Variants in CLINT1 observed in about 807,000 individuals in gnomAD.
CLINT1 encodes the protein clathrin interactor 1, also known as clathrin interacting protein localized in the trans-Golgi region.
Under a neutral mutation model 70.4 loss-of-function variants are expected in CLINT1, and 15 were observed. The ratio of observed to expected loss-of-function variants is 0.21; its 90% CI spans 0.14 to 0.33. The LOEUF (loss-of-function observed/expected upper bound fraction) is 0.33. Among genes scored for constraint, CLINT1 ranks in the 10% least tolerant of loss-of-function variants. CLINT1 has a pLI of 1.00. For missense variants in CLINT1, 615 were observed against 778.1 expected (o/e 0.79, Z 2.49); for synonymous variants, 227 against 254.7 (o/e 0.89, Z 1.04).
At chr5:157,819,730 T>C (rs1762825269) in intron 1 of CLINT1, among the ~76,000 whole-genome samples, 1 of 152,240 alleles carries the variant, frequency 6.6e-6, no homozygotes. Flanking sequence ...AAGCATTTCA[T>C]TACCAAGAAT....
chr5:157,840,192 C>CAAAAAAAAAAA (rs57245921), intron 1 of CLINT1, among the ~76,000 whole-genome samples: 4 of 55,326 alleles, frequency 7.2e-5, no homozygotes, highest in African/African-American at 9.1e-5. Context: ...GAGACTGCCT[C>CAAAAAAAAAAA]AAAAAAAAAA....
At chr5:157,830,776 C>CTT (rs1311604700) in intron 1 of CLINT1, among the ~76,000 whole-genome samples, 3 of 129,536 alleles carry the variant, frequency 2.3e-5, no homozygotes, top group African/African-American at 8.7e-5. Flanking sequence ...CTCTCTCTCT[C>CTT]TCTCTCTCTC....
chr5:157,804,090 A>C (rs1000705071), intron 7 of CLINT1, among the ~76,000 whole-genome samples: 12 of 151,916 alleles, frequency 7.9e-5, no homozygotes, highest in African/African-American at 2.7e-4. Flanking sequence ...CCCATACAAT[A>C]CACTGAGTCA....
chr5:157,842,465 T>A (rs746276015), intron 1 of CLINT1, among the ~76,000 whole-genome samples: 2 of 152,108 alleles, frequency 1.3e-5, no homozygotes, highest in African/African-American at 4.8e-5. Flanking sequence ...TTTAAAAAGG[T>A]CTTATAATTG....
chr5:157,841,132 G>A lies in CLINT1; in HGVS notation c.41+17798C>T, dbSNP rs183306061. On this transcript the variant is annotated intron_variant, in intron 1 of 11. Transcript: ENST00000411809. ...ACAAAAACTAATTAGCCAGCATGGT[G>A]GCATATGCCTGTAGTTCCAGCTACA... 1.6e-3 allele frequency among the ~76,000 whole-genome samples: 242 copies of A among 152,134 alleles called. 2 individuals carry two copies. The highest frequency in any genetic ancestry group is 5.4e-3 in the African/African-American group (226 of 41,482).
At chr5:157,803,746 C>T (rs775599754) in intron 7 of CLINT1, 27 bp from the exon 8 acceptor site, 4 of 1,497,428 alleles carry the variant, frequency 2.7e-6, no homozygotes, top group African/African-American at 2.8e-5. Flanking sequence ...AACTCAGGAG[C>T]TTCGAAAAGT....
chr5:157,830,430 T>A (rs1255142746), intron 1 of CLINT1, among the ~76,000 whole-genome samples: 1 of 152,182 alleles, frequency 6.6e-6, no homozygotes, highest in Non-Finnish European at 1.5e-5. Context: ...TTAAATCTCA[T>A]TTTTTAAAAC....
rs1561644968 is a variant in CLINT1 at position 157,805,943 on chromosome 5, C to T, written c.865G>A (p.Ala289Thr). ...ANPSKTIDLG[A>T]AAHYTGDKAS... is the part of the protein sequence containing the mutation. ...TTGTCCCCTGTGTAATGTGCTGCTG[C>T]TCCAAGATCAATGGTTTTGGAAGGA... The change falls in exon 7 of 12, where the codon GCA becomes ACA. Residue 289 changes from alanine to threonine, a missense_variant. By Grantham distance (58) the Ala-to-Thr change is moderately conservative. Coordinates refer to ENST00000411809, the MANE Select transcript of CLINT1 (RefSeq NM_014666.4). The T allele has an allele frequency of 6.2e-7, 1 of 1,613,770 alleles. No individual in the cohort carries two copies. Among genetic ancestry groups the T allele is most frequent in the Non-Finnish European group, 8.5e-7 (1 of 1,179,882 alleles).
At chr5:157,813,015 CA>C in intron 5 of CLINT1, 47 bp downstream of exon 5, 1 of 1,557,390 alleles carries the variant, frequency 6.4e-7, no homozygotes, top group South Asian at 1.2e-5. Context: ...AAAATATACT[CA>C]AGAAGCTAAG....
At chr5:157,820,509 T>C (rs1237432210) in intron 1 of CLINT1, among the ~76,000 whole-genome samples, 1 of 152,046 alleles carries the variant, frequency 6.6e-6, no homozygotes, top group South Asian at 2.1e-4. Flanking sequence ...CATAAAGAAT[T>C]CCAAGACAAA....
intron 1 of CLINT1, among the ~76,000 whole-genome samples, chr5:157,851,497 T>C (rs1753573570): frequency 6.6e-6 from 1 of 151,960 alleles, no homozygotes; most frequent in Non-Finnish European, 1.5e-5. Context: ...GAGACCAGCC[T>C]GGGAAATGCG....
intron 9 of CLINT1, among the ~76,000 whole-genome samples, chr5:157,792,205 C>T (rs1453433837): frequency 2.6e-5 from 4 of 151,986 alleles, no homozygotes; most frequent in Non-Finnish European, 5.9e-5. Context: ...CCAAATATAA[C>T]GTAAAATCCA....
At chr5:157,848,008 T>C (rs941138746) in intron 1 of CLINT1, among the ~76,000 whole-genome samples, 2 of 152,192 alleles carry the variant, frequency 1.3e-5, no homozygotes, top group Admixed American at 6.5e-5. Context: ...GGTTTCACCA[T>C]ATTGCTCAGG....
At chr5:157,838,017 A>G (rs1472763918) in intron 1 of CLINT1, among the ~76,000 whole-genome samples, 1 of 152,078 alleles carries the variant, frequency 6.6e-6, no homozygotes, top group East Asian at 1.9e-4. Flanking sequence ...GTCCTACTTA[A>G]AATTACGTAA....
Position 157,787,666 on chromosome 5 carries a change from A to C in CLINT1, c.1858T>G (p.Phe620Val). 6.2e-7 allele frequency: 1 copy of C among 1,613,166 alleles called. No homozygotes were observed. The highest frequency in any genetic ancestry group is 8.5e-7 in the Non-Finnish European group (1 of 1,179,344). ...VQPKQDAFAN[F>V]ANFSK ...ATCTCTTATTTGCTAAAATTGGCGA[A>C]ATTTGCAAAGGCATCTTGCTTGGGT... Residue 620 changes from phenylalanine to valine, a missense_variant, in exon 12 of 12, where the codon TTC becomes GTC. By Grantham distance (50) the Phe-to-Val change is conservative. Transcript: ENST00000411809.
chr5:157,832,976 GC>G (rs1181965576), intron 1 of CLINT1, among the ~76,000 whole-genome samples: 1 of 152,160 alleles, frequency 6.6e-6, no homozygotes, highest in African/African-American at 2.4e-5. Context: ...GCCAAAGAGA[GC>G]TCTTGATGAA....
chr5:157,793,491 G>A (rs1034019843), intron 9 of CLINT1, among the ~76,000 whole-genome samples: 28 of 152,254 alleles, frequency 1.8e-4, no homozygotes, highest in African/African-American at 6.3e-4. Context: ...TCAGCCCCCT[G>A]CGTAAGGTGG....
rs1366985048 is a variant in CLINT1 at position 157,794,976 on chromosome 5, G to A, written c.1013-4C>T. 6.4e-7 allele frequency: 1 copy of A among 1,551,320 alleles called. No individual in the cohort carries two copies. Among genetic ancestry groups the A allele is most frequent in the South Asian group, 1.2e-5 (1 of 84,004 alleles). On this transcript the variant is annotated splice_region_variant and splice_polypyrimidine_tract_variant and intron_variant, in intron 8 of 11. Coordinates refer to ENST00000411809, the MANE Select transcript of CLINT1 (RefSeq NM_014666.4). The stretch of plus-strand genomic sequence containing the variant: ...CCGAATAAATCAGCTGATCCTCCTA[G>A]AAGTTAAGAAAAAGTTAAAACTGTT...
intron 1 of CLINT1, among the ~76,000 whole-genome samples, chr5:157,831,198 T>G (rs1010016776): frequency 6.6e-6 from 1 of 151,364 alleles, no homozygotes; most frequent in African/African-American, 2.4e-5. Flanking sequence ...TACTTTTTTT[T>G]TTTTTTTGAG....
Sources: gnomAD v4.1 joint callset for allele counts (sites outside exome capture counted in the v4.1 genomes callset) on GRCh38, gnomAD v4.1.1 for gene constraint, MANE v1.5 for transcripts, NCBI Gene and HGNC (gene_info 2026-07-23, HGNC 2026-07-21) for gene names.